Variants in E2F5 observed in about 807,000 individuals in gnomAD.
E2F5 encodes transcription factor E2F5.
A neutral mutation model predicts 39.1 loss-of-function variants in E2F5; 23 were observed. The ratio of observed to expected loss-of-function variants is 0.59; its 90% confidence interval spans 0.42 to 0.83. E2F5 has a LOEUF of 0.83. Ranked by LOEUF, E2F5 falls within the 40% of genes least tolerant of loss-of-function variation. E2F5 has a pLI of 0.00. For synonymous variants in E2F5, 145 were observed against 157.8 expected (o/e 0.92, Z 0.61); for missense variants, 365 against 406.7 (o/e 0.90, Z 0.88).
chr8:85,187,653 T>C (rs1189939651), intron 1 of E2F5: 1 of 152,190 alleles, frequency 6.6e-6, no homozygotes, highest in Non-Finnish European at 1.5e-5. Flanking sequence ...CATTTTCTGT[T>C]CTTTCATTTT....
chr8:85,191,134 A>G (rs1812453998), intron 1 of E2F5, among the ~76,000 whole-genome samples: 1 of 152,172 alleles, frequency 6.6e-6, no homozygotes. Context: ...TTAAAAAAAA[A>G]GGAAATCCTG....
intron 1 of E2F5, among the ~76,000 whole-genome samples, chr8:85,187,214 T>A (rs1276018291): frequency 6.6e-6 from 1 of 152,136 alleles, no homozygotes; most frequent in Non-Finnish European, 1.5e-5. Flanking sequence ...TATGATTTGT[T>A]TTTTGGCCTC....
Position 85,177,914 on chromosome 8 carries a change from G to A in E2F5, c.234+260G>A, listed in dbSNP as rs960381714. The A allele has an allele frequency of 2.3e-5, 10 of 432,316 alleles. No individual in the cohort carries two copies. The Admixed American group carries it at 2.3e-4, about 10-fold the overall frequency. 26.8% of individuals were successfully genotyped at this position (432,316 alleles called of 1,614,324 possible). On this transcript the variant is annotated intron_variant, in intron 1 of 7. Coordinates refer to ENST00000416274, the MANE Select transcript of E2F5 (RefSeq NM_001951.4). Reference sequence around the variant, plus strand: ...CGCTGGGCTCTCGACAAAGAGCCCAGGACCTCGAGCGCGCCCGCGTGGCTT... The same window carrying A: ...CGCTGGGCTCTCGACAAAGAGCCCAAGACCTCGAGCGCGCCCGCGTGGCTT...
chr8:85,189,174 T>C (rs1454572660), intron 1 of E2F5, among the ~76,000 whole-genome samples: 2 of 152,214 alleles, frequency 1.3e-5, no homozygotes, highest in East Asian at 3.8e-4. Flanking sequence ...GGATATACTT[T>C]CTGATGTTCC....
At chr8:85,189,512 G>A (rs538646028) in intron 1 of E2F5, among the ~76,000 whole-genome samples, 36 of 152,070 alleles carry the variant, frequency 2.4e-4, no homozygotes, top group Non-Finnish European at 4.3e-4. Flanking sequence ...TGGAATTATA[G>A]GTGTGAACCA....
chr8:85,201,855 G>C, intron 1 of E2F5: 1 of 381,472 alleles, frequency 2.6e-6, no homozygotes, highest in Non-Finnish European at 4.7e-6. Context: ...CTCAGGATTA[G>C]TCCATAAGGT....
intron 1 of E2F5, among the ~76,000 whole-genome samples, chr8:85,190,337 T>A (rs1647891042): frequency 6.6e-6 from 1 of 151,804 alleles, no homozygotes; most frequent in Non-Finnish European, 1.5e-5. Flanking sequence ...TCTTAGTTTT[T>A]TTTTTTCCTT....
chr8:85,184,035 G>T (rs757366657), intron 1 of E2F5, among the ~76,000 whole-genome samples: 4 of 152,154 alleles, frequency 2.6e-5, no homozygotes, highest in South Asian at 2.1e-4. Flanking sequence ...AAGCCAAGGA[G>T]CGAGGCCTCT....
intron 1 of E2F5, among the ~76,000 whole-genome samples, chr8:85,198,572 A>G (rs1362548731): frequency 1.3e-5 from 2 of 152,066 alleles, no homozygotes; most frequent in Non-Finnish European, 2.9e-5. Context: ...GTTCTCACTA[A>G]CTTGCTCTGA....
In E2F5 at chr8:85,201,862, A is replaced by G. The variant is rs1812704539; in HGVS notation, c.235-285A>G. ...AGCTCCTCCTCAGGATTAGTCCATAAGGTGACACAAAGTATTCTTATTGTG... is the reference window on the plus strand; with the variant it reads ...AGCTCCTCCTCAGGATTAGTCCATAGGGTGACACAAAGTATTCTTATTGTG... On this transcript the variant is annotated intron_variant, in intron 1 of 7. Coordinates refer to ENST00000416274, the MANE Select transcript of E2F5 (RefSeq NM_001951.4). 14 of 398,678 alleles carry G rather than the reference A, an allele frequency of 3.5e-5. No homozygotes were observed. The South Asian group carries it at 4.0e-4, about 11-fold the overall frequency. The allele number at this position is 398,678 out of a possible 1,614,324, so 24.7% of individuals were successfully genotyped here.
At chr8:85,201,934 C>T in intron 1 of E2F5, 2 of 536,406 alleles carry the variant, frequency 3.7e-6, no homozygotes, top group Non-Finnish European at 3.2e-6. Flanking sequence ...ATTTCTTTTT[C>T]TGTTCCAACA....
At chr8:85,190,579 C>G (rs1812440032) in intron 1 of E2F5, among the ~76,000 whole-genome samples, 2 of 135,586 alleles carry the variant, frequency 1.5e-5, no homozygotes, top group Admixed American at 1.6e-4. Flanking sequence ...TCTCGGCTCA[C>G]TGCAACCTCC....
At chr8:85,210,735 A>G (rs1318424368) in intron 6 of E2F5, among the ~76,000 whole-genome samples, 2 of 152,188 alleles carry the variant, frequency 1.3e-5, no homozygotes, top group African/African-American at 2.4e-5. Flanking sequence ...TAGGATATAA[A>G]GCAGGCAAGC....
intron 7 of E2F5, 119 bp from the exon 8 acceptor site, chr8:85,213,634 T>C: frequency 2.0e-6 from 1 of 510,158 alleles, no homozygotes; most frequent in Non-Finnish European, 3.5e-6. Context: ...TGAGAATATT[T>C]CAAAATACAC....
intron 1 of E2F5, among the ~76,000 whole-genome samples, chr8:85,184,139 A>G (rs1249969694): frequency 2.6e-5 from 4 of 152,212 alleles, no homozygotes; most frequent in Non-Finnish European, 1.5e-5. Context: ...AATACTGCAG[A>G]CCAAATCCAG....
chr8:85,197,886 T>C (rs970952345), intron 1 of E2F5, among the ~76,000 whole-genome samples: 2 of 152,234 alleles, frequency 1.3e-5, no homozygotes, highest in Non-Finnish European at 2.9e-5. Flanking sequence ...ATAATGCTGA[T>C]AGGTCTCACT....
chr8:85,185,836 G>A (rs550324320), intron 1 of E2F5, among the ~76,000 whole-genome samples: 23 of 152,270 alleles, frequency 1.5e-4, no homozygotes, highest in Admixed American at 3.3e-4. Flanking sequence ...TTACAATGGC[G>A]ATCATTAAAA....
intron 1 of E2F5, among the ~76,000 whole-genome samples, chr8:85,190,183 GC>G (rs1288870442): frequency 6.6e-6 from 1 of 152,010 alleles, no homozygotes; most frequent in African/African-American, 2.4e-5. Context: ...CTCTCCTCCT[GC>G]CTCAGGGCTG....
intron 1 of E2F5, among the ~76,000 whole-genome samples, chr8:85,187,475 T>G (rs940408695): frequency 6.6e-6 from 1 of 152,192 alleles, no homozygotes; most frequent in Non-Finnish European, 1.5e-5. Flanking sequence ...GCTGCTATAT[T>G]GGGTTCACAC....
Sources: allele counts gnomAD v4.1 joint callset (sites outside exome capture counted in the v4.1 genomes callset), GRCh38; gene constraint gnomAD v4.1.1; transcripts MANE v1.5; gene names NCBI Gene and HGNC (gene_info 2026-07-23, HGNC 2026-07-21).